The following BLVRA variants were observed in gnomAD, a reference collection of about 807,000 sequenced individuals.
BLVRA encodes biliverdin reductase A.
BLVRA carries 22 observed loss-of-function variants against 32.8 expected under a neutral mutation model. The ratio of observed to expected loss-of-function variants is 0.67; its 90% CI spans 0.48 to 0.96. The LOEUF (loss-of-function observed/expected upper bound fraction) is 0.96. Ranked by LOEUF, BLVRA falls within the 40% of genes least tolerant of loss-of-function variation. The pLI, the probability that BLVRA is intolerant of heterozygous loss-of-function variation, is 0.00. For synonymous variants in BLVRA, 119 were observed against 141.3 expected (o/e 0.84, Z 1.12); for missense variants, 323 against 358.1 (o/e 0.90, Z 0.79).
At chr7:43,765,861 C>G (rs533562344) in intron 1 of BLVRA, among the ~76,000 whole-genome samples, 1 of 152,038 alleles carries the variant, frequency 6.6e-6, no homozygotes, top group Non-Finnish European at 1.5e-5. Flanking sequence ...TGTGGAGTCA[C>G]TGGGGGAAAG....
intron 2 of BLVRA, among the ~76,000 whole-genome samples, chr7:43,781,002 G>T (rs1010240838): frequency 6.6e-6 from 1 of 152,182 alleles, no homozygotes; most frequent in Non-Finnish European, 1.5e-5. Flanking sequence ...CAAAAATTAG[G>T]CGTAGTGGCA....
At chr7:43,772,930 G>A (rs895089889) in intron 2 of BLVRA, among the ~76,000 whole-genome samples, 2 of 152,020 alleles carry the variant, frequency 1.3e-5, no homozygotes, top group African/African-American at 4.8e-5. Context: ...ACCTAGTGAC[G>A]GTATACCCTT....
At chr7:43,766,627 A>G (rs143824042) in intron 1 of BLVRA, among the ~76,000 whole-genome samples, 42 of 152,210 alleles carry the variant, frequency 2.8e-4, no homozygotes, top group African/African-American at 9.2e-4. Context: ...GCAGGCAGAG[A>G]GTTGGAAGGT....
chr7:43,776,797 C>A (rs1290227770), intron 2 of BLVRA, among the ~76,000 whole-genome samples: 3 of 151,966 alleles, frequency 2.0e-5, no homozygotes, highest in Non-Finnish European at 4.4e-5. Context: ...GTAGGTCACT[C>A]AGGACTTGCT....
At chr7:43,802,012 CG>C (rs2095799236) in intron 6 of BLVRA, among the ~76,000 whole-genome samples, 1 of 151,912 alleles carries the variant, frequency 6.6e-6, no homozygotes, top group Non-Finnish European at 1.5e-5. Context: ...CATGGTGGCA[CG>C]CACCTGTAAT....
intron 1 of BLVRA, chr7:43,767,528 G>A (rs1021134141): frequency 1.8e-6 from 2 of 1,139,696 alleles, no homozygotes; most frequent in African/African-American, 1.5e-5. Flanking sequence ...CGGCCATGTG[G>A]TGCTGGCCCT....
At chr7:43,796,844 C>T (rs994988729) in intron 5 of BLVRA, among the ~76,000 whole-genome samples, 12 of 152,184 alleles carry the variant, frequency 7.9e-5, no homozygotes, top group African/African-American at 2.9e-4. Flanking sequence ...AAGAACTCTA[C>T]AACTCAACAA....
chr7:43,773,363 C>T (rs897968859), intron 2 of BLVRA, among the ~76,000 whole-genome samples: 2 of 151,972 alleles, frequency 1.3e-5, no homozygotes, highest in Admixed American at 1.3e-4. Context: ...TGTTCAATTC[C>T]CACCTATCAG....
intron 7 of BLVRA, among the ~76,000 whole-genome samples, chr7:43,805,811 G>A (rs1585747933): frequency 6.6e-6 from 1 of 151,930 alleles, no homozygotes; most frequent in South Asian, 2.1e-4. Flanking sequence ...TGTCTAGGCC[G>A]GTCTCAAATT....
At position 43,803,686 on chromosome 7, in the gene BLVRA, GGA is replaced by G; in HGVS notation, c.472_473del (p.Glu158ArgfsTer59). On this transcript the variant is annotated frameshift_variant, in exon 7 of 8. Coordinates refer to ENST00000265523, the MANE Select transcript of BLVRA (RefSeq NM_000712.4). LOFTEE classifies it high-confidence loss of function. ...GSLLFTAGPL[E>X]EERFGFPAFS... is the part of the protein sequence containing the mutation. ...TGTGATTTCCCACAGCTGGCCCGTT[GGA>G]AGAAGAGCGGTTTGGCTTCCCTGCA... 1 of 1,610,932 alleles carries G rather than the reference GGA, an allele frequency of 6.2e-7. No homozygotes were observed. The highest frequency in any genetic ancestry group is 8.5e-7 in the Non-Finnish European group (1 of 1,179,034).
chr7:43,758,913 G>C (rs1334770149), intron 1 of BLVRA, among the ~76,000 whole-genome samples, 179 bp downstream of exon 1: 1 of 151,990 alleles, frequency 6.6e-6, no homozygotes, highest in African/African-American at 2.4e-5. Flanking sequence ...GCCCGGGCCC[G>C]GAGTGAGGAC....
intron 5 of BLVRA, among the ~76,000 whole-genome samples, chr7:43,795,508 C>G (rs2095790812): frequency 1.3e-5 from 2 of 152,098 alleles, no homozygotes; most frequent in Non-Finnish European, 2.9e-5. Context: ...GAGTGAGACT[C>G]TGCTCAAACA....
rs200954628 is a variant in BLVRA, at chr7:43,787,717, G to A, written c.13-187G>A. On this transcript the variant is annotated intron_variant, in intron 2 of 7. Transcript: ENST00000265523. This position sits in a 1 kb window ranked among gnomAD's most constrained non-coding sequence, Gnocchi z 4.5. ...AGCACCTTCAAGAACAGGTTTTGGCGGGACTGACTTCTCTCCAAGCCCCCA... is the reference window on the plus strand; with the variant it reads ...AGCACCTTCAAGAACAGGTTTTGGCAGGACTGACTTCTCTCCAAGCCCCCA... 2.0e-5 allele frequency among the ~76,000 whole-genome samples: 3 copies of A among 152,156 alleles called. No individual in the cohort carries two copies. The highest frequency in any genetic ancestry group is 4.4e-5 in the Non-Finnish European group (3 of 68,030).
chr7:43,758,878 G>A (rs2095739238), intron 1 of BLVRA, 144 bp downstream of exon 1: 1 of 151,766 alleles, frequency 6.6e-6, no homozygotes, highest in Non-Finnish European at 1.5e-5. Flanking sequence ...ACGCAGCCTG[G>A]GCGCCGCCTG....
intron 1 of BLVRA, among the ~76,000 whole-genome samples, chr7:43,763,822 C>T (rs1050724688): frequency 3.1e-4 from 47 of 152,206 alleles, no homozygotes; most frequent in African/African-American, 1.1e-3. Flanking sequence ...GTAACTTAGC[C>T]GTTTCTCTTT....
intron 6 of BLVRA, among the ~76,000 whole-genome samples, chr7:43,802,659 C>T (rs970760167): frequency 2.6e-5 from 4 of 152,058 alleles, no homozygotes; most frequent in African/African-American, 9.7e-5. Flanking sequence ...CCACGACACC[C>T]GCCTAATTTT....
chr7:43,801,670 CAT>C (rs1305309612), intron 6 of BLVRA, among the ~76,000 whole-genome samples: 1 of 152,128 alleles, frequency 6.6e-6, no homozygotes, highest in African/African-American at 2.4e-5. Context: ...TGCATTAATC[CAT>C]ATGACAATCC....
At chr7:43,780,818 G>T (rs2095768188) in intron 2 of BLVRA, among the ~76,000 whole-genome samples, 1 of 152,212 alleles carries the variant, frequency 6.6e-6, no homozygotes, top group South Asian at 2.1e-4. Context: ...GTATGTTCAT[G>T]AAACATTTTG....
intron 3 of BLVRA, among the ~76,000 whole-genome samples, chr7:43,789,483 A>G (rs1218669647): frequency 1.3e-5 from 2 of 152,086 alleles, no homozygotes; most frequent in African/African-American, 2.4e-5. Flanking sequence ...CAAATGGGAG[A>G]GCAAAGTTAA....
Sources: allele counts gnomAD v4.1 joint callset (sites outside exome capture counted in the v4.1 genomes callset), GRCh38; gene constraint gnomAD v4.1.1; non-coding constraint Gnocchi (gnomAD v3.1); transcripts MANE v1.5; gene names NCBI Gene and HGNC (gene_info 2026-07-23, HGNC 2026-07-21).